Variants in PRKG1 observed in about 807,000 individuals in gnomAD.
The protein encoded by PRKG1 is cGMP-dependent protein kinase 1.
A neutral mutation model predicts 88.1 loss-of-function variants in PRKG1; 35 were observed. The observed-to-expected ratio is 0.40, with a 90% CI of 0.30 to 0.53. PRKG1 has a LOEUF of 0.53. Among genes scored for constraint, PRKG1 ranks in the 20% least tolerant of loss-of-function variants. PRKG1 has a pLI of 0.59. For missense variants in PRKG1, 540 were observed against 839.8 expected (o/e 0.64, Z 4.41); for synonymous variants, 303 against 292.5 (o/e 1.04, Z -0.37).
chr10:51,962,844 T>C (rs1843478949), intron 5 of PRKG1, among the ~76,000 whole-genome samples: 1 of 152,204 alleles, frequency 6.6e-6, no homozygotes, highest in Non-Finnish European at 1.5e-5. Context: ...TATGTTTATA[T>C]TAATATCTTC....
At chr10:51,273,489 G>A (rs905996275) in intron 2 of PRKG1, among the ~76,000 whole-genome samples, 3 of 152,086 alleles carry the variant, frequency 2.0e-5, no homozygotes, top group Non-Finnish European at 4.4e-5. Flanking sequence ...GCGCCACTGG[G>A]TTCCCACCTG....
intron 2 of PRKG1, among the ~76,000 whole-genome samples, chr10:51,269,864 A>T (rs965379365): frequency 4.6e-5 from 7 of 152,202 alleles, no homozygotes; most frequent in Non-Finnish European, 1.0e-4. Context: ...AACTATTGAA[A>T]TAAAAAAGGA....
intron 2 of PRKG1, among the ~76,000 whole-genome samples, chr10:51,333,722 A>C (rs1386227736): frequency 1.3e-5 from 2 of 152,232 alleles, no homozygotes; most frequent in Non-Finnish European, 2.9e-5. Flanking sequence ...ACATCAGTGA[A>C]CATGATTTTT....
intron 3 of PRKG1, among the ~76,000 whole-genome samples, chr10:51,522,026 T>G (rs962506434): frequency 9.2e-5 from 14 of 152,278 alleles, no homozygotes; most frequent in African/African-American, 1.7e-4. Flanking sequence ...GAGAAAGGAA[T>G]TTTCAATCCC....
At chr10:51,769,761 A>G (rs1451887494) in intron 3 of PRKG1, among the ~76,000 whole-genome samples, 3 of 152,314 alleles carry the variant, frequency 2.0e-5, no homozygotes, top group Admixed American at 1.3e-4. Context: ...GGTGTGTCCA[A>G]TCTTTTGGCT....
chr10:51,006,904 T>G (rs1439976809), intron 1 of PRKG1, among the ~76,000 whole-genome samples: 1 of 151,922 alleles, frequency 6.6e-6, no homozygotes, highest in Non-Finnish European at 1.5e-5. Context: ...CAATGCAGGT[T>G]CTGATTCAGT....
intron 7 of PRKG1, among the ~76,000 whole-genome samples, chr10:52,130,146 A>G (rs952154447): frequency 6.6e-6 from 1 of 152,180 alleles, no homozygotes; most frequent in Non-Finnish European, 1.5e-5. Flanking sequence ...TTTATTGTTT[A>G]ATATGTTGGT....
intron 3 of PRKG1, among the ~76,000 whole-genome samples, chr10:51,747,898 T>G (rs1837621718): frequency 6.6e-6 from 1 of 152,232 alleles, no homozygotes; most frequent in South Asian, 2.1e-4. Flanking sequence ...TTTAAAGCAC[T>G]AAGGCCATGA....
At chr10:51,828,116 G>A (rs1358926766) in intron 4 of PRKG1, among the ~76,000 whole-genome samples, 2 of 152,062 alleles carry the variant, frequency 1.3e-5, no homozygotes, top group Non-Finnish European at 2.9e-5. Flanking sequence ...TATATATTAG[G>A]TTGGAGCAAA....
chr10:52,177,955 G>T (rs1838909774), intron 9 of PRKG1, among the ~76,000 whole-genome samples: 1 of 147,362 alleles, frequency 6.8e-6, no homozygotes, highest in African/African-American at 2.5e-5. Flanking sequence ...TTGTTTTATT[G>T]AGTTTTGCAT....
At chr10:51,588,011 C>T (rs1354694245) in intron 3 of PRKG1, among the ~76,000 whole-genome samples, 1 of 152,142 alleles carries the variant, frequency 6.6e-6, no homozygotes, top group African/African-American at 2.4e-5. Context: ...CCCAAGGTAA[C>T]CAATCATTAG....
intron 4 of PRKG1, among the ~76,000 whole-genome samples, chr10:51,871,834 G>C (rs1411377225): frequency 2.0e-5 from 3 of 152,154 alleles, no homozygotes; most frequent in Non-Finnish European, 4.4e-5. Context: ...TTGCTGCAGG[G>C]GGTGGATGGT....
At chr10:51,821,369 A>G (rs578230840) in intron 4 of PRKG1, among the ~76,000 whole-genome samples, 114 of 152,256 alleles carry the variant, frequency 7.5e-4, no homozygotes, top group Non-Finnish European at 1.5e-3. Context: ...ATACCTGAGA[A>G]TAAAATTTCT....
Position 52,053,896 on chromosome 10 carries a change from G to A in PRKG1, c.763-588G>A, listed in dbSNP as rs528160800. On this transcript the variant is annotated intron_variant, in intron 5 of 17. Transcript: ENST00000373980. ...GGTGCCTTAAAAAGTAACTAGGGTC[G>A]TCTAACCCACAATAAAAATCAACCT... is the stretch of plus-strand genomic sequence containing the variant. 8.5e-5 allele frequency among the ~76,000 whole-genome samples: 13 copies of A among 152,206 alleles called. No individual in the cohort carries two copies. In the South Asian group the frequency reaches 1.7e-3, roughly 19 times the overall value.
intron 2 of PRKG1, among the ~76,000 whole-genome samples, chr10:51,333,557 CTG>C (rs1841793832): frequency 6.6e-6 from 1 of 152,186 alleles, no homozygotes; most frequent in Non-Finnish European, 1.5e-5. Context: ...CACATGTTGA[CTG>C]TGTAGAACAT....
At chr10:51,243,300 A>G (rs917544405) in intron 2 of PRKG1, among the ~76,000 whole-genome samples, 5 of 152,182 alleles carry the variant, frequency 3.3e-5, no homozygotes, top group Non-Finnish European at 7.4e-5. Context: ...GGAACTGATA[A>G]AGAGTAGTGC....
At position 51,666,714 on chromosome 10, in the gene PRKG1, G is replaced by C. The variant is rs1038859671; in HGVS notation, c.593-137871G>C. Reference sequence around the variant, plus strand: ...TTATTTCATCAGGCACAAGGTTCATGGTTCCTTGGCTAAATCTTTAAAAGC... The same window carrying C: ...TTATTTCATCAGGCACAAGGTTCATCGTTCCTTGGCTAAATCTTTAAAAGC... On this transcript the variant is annotated intron_variant, in intron 3 of 17. Coordinates refer to ENST00000373980, the MANE Select transcript of PRKG1 (RefSeq NM_006258.4). Among the ~76,000 whole-genome samples, 4 of 152,248 alleles carry C rather than the reference G, an allele frequency of 2.6e-5. No individual in the cohort carries two copies. In the East Asian group the frequency reaches 7.7e-4, roughly 29 times the overall value.
intron 1 of PRKG1, among the ~76,000 whole-genome samples, chr10:51,128,720 T>A (rs1845492817): frequency 6.6e-6 from 1 of 152,218 alleles, no homozygotes; most frequent in Non-Finnish European, 1.5e-5. Flanking sequence ...GAATACATTA[T>A]ACATTTGGAG....
At chr10:52,271,329 T>C (rs1314814126) in intron 10 of PRKG1, 21 bp from the exon 11 acceptor site, 7 of 1,608,722 alleles carry the variant, frequency 4.4e-6, no homozygotes, top group Non-Finnish European at 6.0e-6. Context: ...TTTTTCTTAC[T>C]CTCTTCTCTC....
Sources: allele counts gnomAD v4.1 joint callset (sites outside exome capture counted in the v4.1 genomes callset), GRCh38; gene constraint gnomAD v4.1.1; transcripts MANE v1.5; gene names NCBI Gene and HGNC (gene_info 2026-07-23, HGNC 2026-07-21).